The following DOCK9 variants were observed in gnomAD, a reference collection of about 807,000 sequenced individuals.
DOCK9 encodes dedicator of cytokinesis protein 9.
In DOCK9, 89 loss-of-function variants were observed where a neutral mutation model predicts 263.3. The ratio of observed to expected loss-of-function variants is 0.34; its 90% CI spans 0.28 to 0.40. The LOEUF is 0.40. Ranked by LOEUF, DOCK9 falls within the 10% of genes least tolerant of loss-of-function variation. The pLI is 1.00. For synonymous variants in DOCK9, 976 were observed against 973.1 expected (o/e 1.00, Z -0.06); for missense variants, 2,140 against 2,603.4 (o/e 0.82, Z 3.87).
intron 1 of DOCK9, among the ~76,000 whole-genome samples, chr13:98,989,040 A>G (rs1383491388): frequency 1.3e-5 from 2 of 152,162 alleles, no homozygotes; most frequent in African/African-American, 4.8e-5. Context: ...TTGCAGTAAG[A>G]ACACTGTGTT....
intron 1 of DOCK9, among the ~76,000 whole-genome samples, chr13:99,061,706 C>T (rs532157462): frequency 2.6e-5 from 4 of 152,086 alleles, no homozygotes; most frequent in Non-Finnish European, 5.9e-5. Flanking sequence ...TGCTCCCAGG[C>T]GACCTTCCTT....
intron 2 of DOCK9, among the ~76,000 whole-genome samples, chr13:98,954,412 G>T (rs922638042): frequency 1.1e-4 from 17 of 152,166 alleles, no homozygotes; most frequent in African/African-American, 4.1e-4. Context: ...GACCAAGGTG[G>T]CTCGCTGCAA....
chr13:98,997,852 G>A (rs1475336669), intron 1 of DOCK9, among the ~76,000 whole-genome samples: 13 of 152,310 alleles, frequency 8.5e-5, no homozygotes. Context: ...TTCCAGCCCC[G>A]TAGCTAACGA....
chr13:98,972,685 G>T (rs1178113907), intron 1 of DOCK9, among the ~76,000 whole-genome samples: 4 of 152,176 alleles, frequency 2.6e-5, no homozygotes, highest in Non-Finnish European at 5.9e-5. Flanking sequence ...GCAAAGCCTG[G>T]CTATGCCTAT....
At chr13:99,048,790 AT>A (rs1179689166) in intron 1 of DOCK9, among the ~76,000 whole-genome samples, 1 of 152,224 alleles carries the variant, frequency 6.6e-6, no homozygotes, top group African/African-American at 2.4e-5. Context: ...TACCTTTATT[AT>A]TCCATCACTG....
intron 15 of DOCK9, among the ~76,000 whole-genome samples, chr13:98,889,277 A>G (rs945231167): frequency 6.6e-6 from 1 of 152,200 alleles, no homozygotes; most frequent in Non-Finnish European, 1.5e-5. Context: ...AAAAGACTAC[A>G]CATTGGGTAC....
At chr13:98,902,709 T>C (rs1310681120) in intron 11 of DOCK9, among the ~76,000 whole-genome samples, 3 of 152,240 alleles carry the variant, frequency 2.0e-5, no homozygotes, top group Non-Finnish European at 2.9e-5. Context: ...ACGTAATGTA[T>C]GTTCCATAGA....
intron 52 of DOCK9, chr13:98,796,338 C>T: frequency 1.3e-6 from 1 of 790,854 alleles, no homozygotes; most frequent in Non-Finnish European, 2.2e-6. Flanking sequence ...CACAAACGGC[C>T]CTGGCTTCCA....
At chr13:99,051,854 G>GAAAAAAA (rs1566359543) in intron 1 of DOCK9, among the ~76,000 whole-genome samples, 5 of 11,186 alleles carry the variant, frequency 4.5e-4, no homozygotes, top group Non-Finnish European at 9.9e-4. Context: ...TCCACTAGTG[G>GAAAAAAA]CAAAAAAAAA....
chr13:98,954,180 T>G (rs779818592), intron 2 of DOCK9, among the ~76,000 whole-genome samples: 7 of 152,028 alleles, frequency 4.6e-5, no homozygotes, highest in Non-Finnish European at 1.0e-4. Context: ...TATTTCCCTC[T>G]CATTTATCTT....
intron 47 of DOCK9, among the ~76,000 whole-genome samples, chr13:98,808,470 A>G (rs748199493): frequency 6.6e-6 from 1 of 152,242 alleles, no homozygotes; most frequent in South Asian, 2.1e-4. Flanking sequence ...TAATGTTTAA[A>G]AGAAAATTTT....
intron 3 of DOCK9, among the ~76,000 whole-genome samples, chr13:98,929,610 C>A (rs1194994593): frequency 1.3e-5 from 2 of 151,626 alleles, no homozygotes; most frequent in Non-Finnish European, 2.9e-5. Flanking sequence ...ATTTTATTTG[C>A]ATTTTCAAAC....
chr13:98,918,427 A>G (rs1390326171), intron 7 of DOCK9, among the ~76,000 whole-genome samples: 1 of 152,198 alleles, frequency 6.6e-6, no homozygotes, highest in African/African-American at 2.4e-5. Flanking sequence ...TATATTTTCT[A>G]TTTATATGTT....
chr13:98,796,458 A>G (rs969335352), intron 52 of DOCK9, among the ~76,000 whole-genome samples: 5 of 152,162 alleles, frequency 3.3e-5, no homozygotes, highest in Admixed American at 6.5e-5. Context: ...CAGACCCCTC[A>G]CAAAAAAAAC....
At chr13:98,883,749 T>C (rs2045225429) in intron 22 of DOCK9, 64 bp downstream of exon 22, 1 of 1,115,244 alleles carries the variant, frequency 9.0e-7, no homozygotes. Flanking sequence ...TTTTTTCTTC[T>C]TGCAAAATGG....
intron 1 of DOCK9, chr13:99,015,935 A>T: frequency 3.3e-6 from 1 of 302,216 alleles, no homozygotes; most frequent in Non-Finnish European, 5.0e-6. Flanking sequence ...GGAGATTTAC[A>T]TGTGGCTCTA....
intron 1 of DOCK9, among the ~76,000 whole-genome samples, chr13:99,012,820 C>T (rs983966691): frequency 6.6e-6 from 1 of 152,076 alleles, no homozygotes; most frequent in African/African-American, 2.4e-5. Context: ...TAGAAGCACA[C>T]CTCTAGGGAG....
intron 1 of DOCK9, among the ~76,000 whole-genome samples, chr13:99,038,877 CA>C (rs1888200728): frequency 6.6e-6 from 1 of 152,174 alleles, no homozygotes; most frequent in Admixed American, 6.5e-5. Context: ...TTTCTTAAAG[CA>C]CAATGAAAAA....
intron 1 of DOCK9, among the ~76,000 whole-genome samples, chr13:99,021,239 G>A (rs1218258795): frequency 6.6e-6 from 1 of 152,162 alleles, no homozygotes; most frequent in African/African-American, 2.4e-5. Context: ...ACTAAAAGTA[G>A]GGTAATTCTT....
Sources: allele counts gnomAD v4.1 joint callset (sites outside exome capture counted in the v4.1 genomes callset), GRCh38; gene constraint gnomAD v4.1.1; transcripts MANE v1.5; gene names NCBI Gene and HGNC (gene_info 2026-07-23, HGNC 2026-07-21).